Variants in WDR41 observed in about 807,000 individuals in gnomAD.
The protein encoded by WDR41 is WD repeat-containing protein 41.
Under a neutral mutation model 69.3 loss-of-function variants are expected in WDR41, and 63 were observed. That is an observed-to-expected ratio of 0.91 (90% CI 0.74 to 1.12). The LOEUF (loss-of-function observed/expected upper bound fraction) is 1.12, where lower values mean the gene tolerates loss of function less well. Among genes scored for constraint, WDR41 ranks in the 50% most tolerant of loss-of-function variants. The probability of loss-of-function intolerance (pLI) is 0.00; values close to 1 mark genes in which losing one functional copy is unlikely to be tolerated. For missense variants in WDR41, 543 were observed against 534.5 expected, an observed-to-expected ratio of 1.02 and a Z score of -0.16; for synonymous variants, 185 against 192.1, an observed-to-expected ratio of 0.96 and a Z score of 0.31.
At chr5:77,528,396 A>G (rs1267463427) in intron 1 of WDR41, among the ~76,000 whole-genome samples, 1 of 151,922 alleles carries the variant, frequency 6.6e-6, no homozygotes, top group East Asian at 1.9e-4. Context: ...AAAGAACATT[A>G]AATCCACCAA....
At chr5:77,574,168 C>T (rs1285614277) in intron 1 of WDR41, among the ~76,000 whole-genome samples, 5 of 151,936 alleles carry the variant, frequency 3.3e-5, no homozygotes, top group African/African-American at 1.2e-4. Flanking sequence ...TATGGTGGCA[C>T]GTTCCTGTAA....
At chr5:77,444,329 A>G (rs1799292216) in intron 8 of WDR41, among the ~76,000 whole-genome samples, 1 of 152,206 alleles carries the variant, frequency 6.6e-6, no homozygotes, top group African/African-American at 2.4e-5. Flanking sequence ...TGAAAATCTC[A>G]CCTGGTATCT....
At chr5:77,436,062 C>T (rs1798925832) in intron 12 of WDR41, among the ~76,000 whole-genome samples, 199 bp downstream of exon 12, 2 of 152,168 alleles carry the variant, frequency 1.3e-5, no homozygotes, top group South Asian at 4.1e-4. Context: ...CAATGCATTC[C>T]TTGTTTCCTC....
intron 2 of WDR41, among the ~76,000 whole-genome samples, chr5:77,478,311 C>T (rs1801056549): frequency 6.6e-6 from 1 of 152,172 alleles, no homozygotes; most frequent in Non-Finnish European, 1.5e-5. Flanking sequence ...GGGAATCCTC[C>T]CTAACTCATT....
chr5:77,524,951 A>T (rs915242734), intron 1 of WDR41, among the ~76,000 whole-genome samples: 1 of 152,242 alleles, frequency 6.6e-6, no homozygotes, highest in South Asian at 2.1e-4. Context: ...TGCCAATTAC[A>T]TTACATTTCC....
chr5:77,509,475 TA>T (rs1322663863), intron 1 of WDR41, among the ~76,000 whole-genome samples: 3 of 152,194 alleles, frequency 2.0e-5, no homozygotes, highest in Non-Finnish European at 4.4e-5. Flanking sequence ...CTCAAATTGA[TA>T]AGCAAAATGT....
chr5:77,478,662 G>A (rs1240358886), intron 2 of WDR41, among the ~76,000 whole-genome samples: 1 of 152,108 alleles, frequency 6.6e-6, no homozygotes, highest in Non-Finnish European at 1.5e-5. Context: ...ATTAGGTATG[G>A]ATGGGACGTA....
At chr5:77,475,087 C>G (rs1379826060) in intron 2 of WDR41, among the ~76,000 whole-genome samples, 1 of 152,180 alleles carries the variant, frequency 6.6e-6, no homozygotes, top group Non-Finnish European at 1.5e-5. Flanking sequence ...TCACTCCCAC[C>G]CTAATACTGC....
chr5:77,464,389 G>T (rs1183311485), intron 3 of WDR41, among the ~76,000 whole-genome samples: 1 of 147,914 alleles, frequency 6.8e-6, no homozygotes, highest in Non-Finnish European at 1.5e-5. Context: ...GGGATTACAG[G>T]CATGTGCCAC....
intron 1 of WDR41, among the ~76,000 whole-genome samples, chr5:77,557,128 A>G (rs73126035): frequency 0.16 from 23,808 of 152,168 alleles, 2,945 homozygotes; most frequent in African/African-American, 0.33. Flanking sequence ...AAACTTTTAA[A>G]AGACAAAATT....
chr5:77,558,172 T>C (rs1223746557), intron 1 of WDR41, among the ~76,000 whole-genome samples: 1 of 150,214 alleles, frequency 6.7e-6, no homozygotes, highest in Non-Finnish European at 1.5e-5. Flanking sequence ...CAAATGTTAA[T>C]ATATTTTAAA....
intron 1 of WDR41, among the ~76,000 whole-genome samples, chr5:77,505,500 CTT>C (rs1310004510): frequency 6.6e-6 from 1 of 152,170 alleles, no homozygotes; most frequent in African/African-American, 2.4e-5. Flanking sequence ...CTACTGATGA[CTT>C]TCTTCACAGA....
intron 1 of WDR41, among the ~76,000 whole-genome samples, chr5:77,557,536 A>G (rs1416862008): frequency 6.6e-6 from 1 of 152,208 alleles, no homozygotes; most frequent in African/African-American, 2.4e-5. Context: ...TAAAGCTTGC[A>G]AAAATTAAAA....
chr5:77,602,898 C>T (rs1287209875), intron 1 of WDR41, among the ~76,000 whole-genome samples: 1 of 151,044 alleles, frequency 6.6e-6, no homozygotes, highest in African/African-American at 2.4e-5. Context: ...TATAAGAGTT[C>T]CCTTTTCTTT....
intron 1 of WDR41, among the ~76,000 whole-genome samples, chr5:77,531,856 G>T (rs1015938184): frequency 1.3e-5 from 2 of 151,914 alleles, no homozygotes; most frequent in Admixed American, 6.6e-5. Context: ...GACACAAAAG[G>T]TCGCATATTA....
chr5:77,596,258 C>A (rs556501667), intron 1 of WDR41, among the ~76,000 whole-genome samples: 2 of 152,172 alleles, frequency 1.3e-5, no homozygotes, highest in Non-Finnish European at 2.9e-5. Flanking sequence ...AGTGACTCTC[C>A]TGCCTCAGCC....
chr5:77,471,418 A>G (rs1800602357), intron 2 of WDR41, among the ~76,000 whole-genome samples: 1 of 152,228 alleles, frequency 6.6e-6, no homozygotes, highest in Non-Finnish European at 1.5e-5. Flanking sequence ...GCAAGAAATA[A>G]CTAAGATCAG....
intron 1 of WDR41, among the ~76,000 whole-genome samples, chr5:77,589,555 A>G (rs998691877): frequency 2.6e-5 from 4 of 152,164 alleles, no homozygotes; most frequent in Non-Finnish European, 1.5e-5. Context: ...TCTCAGAAAT[A>G]TTTTGGAGTT....
At chr5:77,612,945 G>A (rs1744592531) in intron 1 of WDR41, among the ~76,000 whole-genome samples, 1 of 151,866 alleles carries the variant, frequency 6.6e-6, no homozygotes, top group South Asian at 2.1e-4. Flanking sequence ...CTTCAGCAAA[G>A]TCTCAGGATA....
Sources: allele counts gnomAD v4.1 joint callset (sites outside exome capture counted in the v4.1 genomes callset), GRCh38; gene constraint gnomAD v4.1.1; transcripts MANE v1.5; gene names NCBI Gene and HGNC (gene_info 2026-07-23, HGNC 2026-07-21).